Variants in CTNNA3 observed in about 807,000 individuals in gnomAD.
The protein encoded by CTNNA3 is catenin alpha 3, also known as catenin alpha-3.
CTNNA3 carries 76 observed loss-of-function variants against 95.7 expected under a neutral mutation model. The ratio of observed to expected loss-of-function variants is 0.79; its 90% CI spans 0.66 to 0.96. The LOEUF (loss-of-function observed/expected upper bound fraction) is 0.96, where lower values mean the gene tolerates loss of function less well. CTNNA3 is among the 40% of genes least tolerant of loss of function. The pLI is 0.00. For synonymous variants in CTNNA3, 431 were observed against 374.4 expected (o/e 1.15, Z -1.74); for missense variants, 1,191 against 1,089.8 (o/e 1.09, Z -1.31).
intron 16 of CTNNA3, among the ~76,000 whole-genome samples, chr10:65,978,699 C>T (rs2078258038): frequency 6.6e-6 from 1 of 152,144 alleles, no homozygotes; most frequent in Admixed American, 6.6e-5. Context: ...ATCTTGCCTA[C>T]TCACCTATTC....
intron 5 of CTNNA3, among the ~76,000 whole-genome samples, chr10:67,257,029 A>C (rs1866379381): frequency 6.6e-6 from 1 of 152,222 alleles, no homozygotes; most frequent in African/African-American, 2.4e-5. Flanking sequence ...TTGCTTACTC[A>C]TAATTCAAAC....
At chr10:66,233,669 GC>G (rs140442506) in intron 13 of CTNNA3, among the ~76,000 whole-genome samples, 32,129 of 151,980 alleles carry the variant, frequency 0.21, 3,577 homozygotes, top group South Asian at 0.29. Context: ...TTGAGTGTTG[GC>G]CAAAATGTGG....
intron 5 of CTNNA3, among the ~76,000 whole-genome samples, chr10:67,358,039 G>A (rs187135208): frequency 1.1e-4 from 17 of 152,062 alleles, no homozygotes; most frequent in African/African-American, 3.6e-4. Flanking sequence ...ATGAGAAAAG[G>A]ATAATATTTT....
At chr10:66,612,338 G>A (rs1209376326) in intron 10 of CTNNA3, among the ~76,000 whole-genome samples, 1 of 152,050 alleles carries the variant, frequency 6.6e-6, no homozygotes, top group East Asian at 1.9e-4. Flanking sequence ...TCTTCCGAAA[G>A]CACAGCTGTG....
chr10:67,174,353 C>G (rs1027381145), intron 7 of CTNNA3, among the ~76,000 whole-genome samples: 1 of 152,092 alleles, frequency 6.6e-6, no homozygotes, highest in Non-Finnish European at 1.5e-5. Flanking sequence ...AATAGAGGAA[C>G]CCAGATGCCT....
chr10:67,400,094 C>T (rs1193489930), intron 5 of CTNNA3, among the ~76,000 whole-genome samples: 2 of 149,922 alleles, frequency 1.3e-5, no homozygotes, highest in Non-Finnish European at 1.5e-5. Context: ...CAACAGTCCC[C>T]GGTGTGTGAT....
chr10:66,895,694 A>G (rs1388611848), intron 7 of CTNNA3, among the ~76,000 whole-genome samples: 2 of 152,070 alleles, frequency 1.3e-5, no homozygotes, highest in East Asian at 1.9e-4. Flanking sequence ...AAATGAGGAT[A>G]ATACAAGTGC....
chr10:66,493,718 G>T (rs1221162514), intron 11 of CTNNA3, among the ~76,000 whole-genome samples: 1 of 147,558 alleles, frequency 6.8e-6, no homozygotes, highest in Admixed American at 6.9e-5. Flanking sequence ...CCATTCTCCC[G>T]CCTCAGCCTC....
At chr10:67,706,988 T>C (rs1238596640) in intron 1 of CTNNA3, among the ~76,000 whole-genome samples, 1 of 152,152 alleles carries the variant, frequency 6.6e-6, no homozygotes, top group African/African-American at 2.4e-5. Context: ...ATTGGTACCA[T>C]CACCCAATTA....
intron 10 of CTNNA3, among the ~76,000 whole-genome samples, chr10:66,569,102 A>G (rs746470153): frequency 5.3e-5 from 8 of 152,036 alleles, no homozygotes; most frequent in Non-Finnish European, 1.2e-4. Context: ...CCTGGCCTCT[A>G]ATCACCTCCT....
intron 7 of CTNNA3, among the ~76,000 whole-genome samples, chr10:67,031,960 C>A (rs1853753736): frequency 6.6e-6 from 1 of 152,140 alleles, no homozygotes; most frequent in Admixed American, 6.5e-5. Flanking sequence ...ACTTTTTAAT[C>A]TCAGAATTCT....
chr10:67,002,891 T>G (rs1322718683), intron 7 of CTNNA3, among the ~76,000 whole-genome samples: 1 of 152,202 alleles, frequency 6.6e-6, no homozygotes, highest in Non-Finnish European at 1.5e-5. Flanking sequence ...GATAAAAACT[T>G]AGTATCATTA....
chr10:66,944,239 T>C (rs1297816897), intron 7 of CTNNA3, among the ~76,000 whole-genome samples: 13 of 152,224 alleles, frequency 8.5e-5, no homozygotes, highest in African/African-American at 2.2e-4. Context: ...TTTGTTATTA[T>C]TTCAACAATA....
intron 3 of CTNNA3, among the ~76,000 whole-genome samples, chr10:67,572,699 T>A (rs1211572271): frequency 1.3e-5 from 2 of 152,172 alleles, no homozygotes; most frequent in Non-Finnish European, 2.9e-5. Flanking sequence ...TTCTGATGCT[T>A]GTTTCTGAGT....
At position 67,340,107 on chromosome 10, in the gene CTNNA3, T is replaced by C. The variant is rs149931098; in HGVS notation, c.580-120237A>G. On this transcript the variant is annotated intron_variant, in intron 5 of 17. Coordinates refer to ENST00000433211, the MANE Select transcript of CTNNA3 (RefSeq NM_013266.4). ...AGTATCCAATTAGTCATTTCAAGTA[T>C]GAGATATAGAAAAGAATGCTTGGAA... is the stretch of plus-strand genomic sequence containing the variant. 2.4e-3 allele frequency among the ~76,000 whole-genome samples: 371 copies of C among 152,264 alleles called. 1 individual carries two copies. Among genetic ancestry groups the C allele is most frequent in the African/African-American group, 8.4e-3 (350 of 41,558 alleles).
chr10:66,900,071 C>A (rs1845672786), intron 7 of CTNNA3, among the ~76,000 whole-genome samples: 2 of 152,140 alleles, frequency 1.3e-5, no homozygotes, highest in Non-Finnish European at 2.9e-5. Flanking sequence ...CTCTGTGTAG[C>A]CTGACTGGGA....
chr10:67,380,137 G>A (rs1843878966), intron 5 of CTNNA3, among the ~76,000 whole-genome samples: 1 of 150,812 alleles, frequency 6.6e-6, no homozygotes, highest in Admixed American at 6.6e-5. Flanking sequence ...ATGTTCTTTT[G>A]TATTTTGCTG....
chr10:67,661,253 G>A (rs1374597325), intron 1 of CTNNA3, among the ~76,000 whole-genome samples: 1 of 142,950 alleles, frequency 7.0e-6, no homozygotes, highest in Non-Finnish European at 1.5e-5. Flanking sequence ...AAAAAAAAGA[G>A]AGAGAGAGAA....
At chr10:65,975,234 C>T (rs2078188235) in intron 16 of CTNNA3, among the ~76,000 whole-genome samples, 1 of 152,074 alleles carries the variant, frequency 6.6e-6, no homozygotes, top group African/African-American at 2.4e-5. Flanking sequence ...ACAGGATAGC[C>T]AGACAGAGAC....
Sources: gnomAD v4.1 joint callset for allele counts (sites outside exome capture counted in the v4.1 genomes callset) on GRCh38, gnomAD v4.1.1 for gene constraint, MANE v1.5 for transcripts, NCBI Gene and HGNC (gene_info 2026-07-23, HGNC 2026-07-21) for gene names.